Variants in CNTN4 observed in about 807,000 individuals in gnomAD.
The protein encoded by CNTN4 is contactin-4.
CNTN4 carries 77 observed loss-of-function variants against 122.5 expected under a neutral mutation model. The ratio of observed to expected loss-of-function variants is 0.63; its 90% CI spans 0.52 to 0.76. The LOEUF is 0.76. Ranked by LOEUF, CNTN4 falls within the 30% of genes least tolerant of loss-of-function variation. The pLI is 0.00. For synonymous variants in CNTN4, 512 were observed against 447.0 expected (o/e 1.15, Z -1.83); for missense variants, 1,256 against 1,259.1 (o/e 1.00, Z 0.04).
At chr3:2,893,689 A>G (rs2094072081) in intron 10 of CNTN4, among the ~76,000 whole-genome samples, 1 of 152,220 alleles carries the variant, frequency 6.6e-6, no homozygotes, top group Admixed American at 6.5e-5. Flanking sequence ...TATCAAGGAC[A>G]ATATATTGAA....
chr3:2,906,363 T>C (rs915137717), intron 12 of CNTN4, among the ~76,000 whole-genome samples: 3 of 152,170 alleles, frequency 2.0e-5, no homozygotes, highest in Non-Finnish European at 4.4e-5. Context: ...ATGATAATTA[T>C]ATAAGGTAAT....
chr3:2,841,884 G>T lies in CNTN4; in HGVS notation c.454+22303G>T, dbSNP rs913851059. Among the ~76,000 whole-genome samples the T allele has an allele frequency of 6.7e-6, 1 of 150,136 alleles. No homozygotes were observed. Among genetic ancestry groups the T allele is most frequent in the African/African-American group, 2.5e-5 (1 of 39,494 alleles). ...ATCTTTTATATCACAGTAAGAAGCTGATCAAAGGTGTTGAAAGCTGACTGT... is the reference window on the plus strand; with the variant it reads ...ATCTTTTATATCACAGTAAGAAGCTTATCAAAGGTGTTGAAAGCTGACTGT... On this transcript the variant is annotated intron_variant, in intron 7 of 24. Transcript: ENST00000418658. The surrounding 1 kb of genome is among the most constrained non-coding windows in gnomAD (Gnocchi z 4.8).
intron 14 of CNTN4, among the ~76,000 whole-genome samples, chr3:2,995,503 G>C (rs1021924851): frequency 6.6e-6 from 1 of 152,126 alleles, no homozygotes; most frequent in Non-Finnish European, 1.5e-5. Context: ...TTGGTCTAGA[G>C]GGAAGATGTA....
chr3:2,451,673 A>G (rs867747715), intron 3 of CNTN4, among the ~76,000 whole-genome samples: 5 of 152,130 alleles, frequency 3.3e-5, no homozygotes, highest in African/African-American at 9.7e-5. Context: ...TTCATGCAAC[A>G]TATTTTCTTT....
intron 6 of CNTN4, among the ~76,000 whole-genome samples, chr3:2,773,414 T>G (rs2091186057): frequency 6.6e-6 from 1 of 152,216 alleles, no homozygotes; most frequent in African/African-American, 2.4e-5. Flanking sequence ...AAGTTTTGTT[T>G]TACATTTTGC....
intron 2 of CNTN4, among the ~76,000 whole-genome samples, chr3:2,215,883 C>CAAAA (rs869205172): frequency 0.43 from 25,560 of 60,006 alleles, 6,070 homozygotes; most frequent in East Asian, 0.55. Flanking sequence ...GCCTCTGTCT[C>CAAAA]AAAAAAAAAA....
At chr3:2,987,916 G>T (rs1336907472) in intron 13 of CNTN4, among the ~76,000 whole-genome samples, 2 of 151,890 alleles carry the variant, frequency 1.3e-5, no homozygotes. Flanking sequence ...TTAATTTAAG[G>T]CTCTCATTTA....
intron 4 of CNTN4, among the ~76,000 whole-genome samples, chr3:2,717,083 A>T (rs1310441544): frequency 1.3e-5 from 2 of 152,112 alleles, no homozygotes; most frequent in African/African-American, 2.4e-5. Flanking sequence ...CACTTGTGTA[A>T]AAGTGTTTAT....
chr3:2,584,748 A>G (rs567439227), intron 4 of CNTN4, among the ~76,000 whole-genome samples: 1 of 151,264 alleles, frequency 6.6e-6, no homozygotes, highest in African/African-American at 2.4e-5. Flanking sequence ...ACAGGTCACA[A>G]TTTCCCTCAC....
intron 2 of CNTN4, among the ~76,000 whole-genome samples, chr3:2,100,843 C>A (rs1253953718): frequency 6.6e-6 from 1 of 152,136 alleles, no homozygotes; most frequent in South Asian, 2.1e-4. Context: ...AGAGATGATG[C>A]TGATAAACGT....
chr3:2,500,048 T>C (rs2148994238), intron 3 of CNTN4, among the ~76,000 whole-genome samples: 1 of 152,288 alleles, frequency 6.6e-6, no homozygotes, highest in South Asian at 2.1e-4. Flanking sequence ...TTTTAATGTA[T>C]ACAAATACAA....
chr3:2,488,450 G>A (rs2076225049), intron 3 of CNTN4, among the ~76,000 whole-genome samples: 1 of 152,048 alleles, frequency 6.6e-6, no homozygotes, highest in Non-Finnish European at 1.5e-5. Flanking sequence ...GTGAGTGAGT[G>A]TTGGGGGGTG....
Position 3,037,159 on chromosome 3 carries a change from C to A in CNTN4, c.1943-20C>A. 6.2e-7 allele frequency: 1 copy of A among 1,614,090 alleles called. No homozygotes were observed. The highest frequency in any genetic ancestry group is 8.5e-7 in the Non-Finnish European group (1 of 1,179,950). On this transcript the variant is annotated intron_variant, in intron 17 of 24. Coordinates refer to ENST00000418658, the MANE Select transcript of CNTN4 (RefSeq NM_175607.3). The stretch of plus-strand genomic sequence containing the variant: ...TTCTGAGAACCTATGAAACAGCCCC[C>A]ACCTTTTGTTGTCTTTCAGTCCCAG...
chr3:2,912,458 A>G (rs1183578988), intron 12 of CNTN4, among the ~76,000 whole-genome samples: 3 of 152,242 alleles, frequency 2.0e-5, no homozygotes, highest in Non-Finnish European at 4.4e-5. Context: ...AGTTGAAATG[A>G]AAGGATGATA....
chr3:3,008,667 A>C (rs1324813712), intron 14 of CNTN4, among the ~76,000 whole-genome samples: 4 of 152,208 alleles, frequency 2.6e-5, no homozygotes, highest in Non-Finnish European at 5.9e-5. Context: ...AGCATTAAAC[A>C]TGTAACCTGA....
At chr3:2,182,287 A>C (rs1366772395) in intron 2 of CNTN4, among the ~76,000 whole-genome samples, 2 of 151,820 alleles carry the variant, frequency 1.3e-5, no homozygotes, top group African/African-American at 4.8e-5. Flanking sequence ...ACATACACAC[A>C]CCCCACACAC....
rs11397937 is a variant in CNTN4, at chr3:2,149,967, CT to C, written c.-145+49342del. ...TCAACAGGGAATGGGGTGGGCATAGCTTTTTTTTTTTTTTCTGTATTATATC... is the reference window on the plus strand; with the variant it reads ...TCAACAGGGAATGGGGTGGGCATAGCTTTTTTTTTTTTTCTGTATTATATC... On this transcript the variant is annotated intron_variant, in intron 2 of 24. Transcript: ENST00000418658. Among the ~76,000 whole-genome samples, 659 of 143,070 alleles carry C rather than the reference CT, an allele frequency of 4.6e-3. 1 individual carries two copies. The highest frequency in any genetic ancestry group is 6.8e-3 in the Admixed American group (98 of 14,438). The allele number at this position is 143,070 out of a possible 152,430, so 93.9% of individuals were successfully genotyped here.
intron 2 of CNTN4, among the ~76,000 whole-genome samples, chr3:2,117,843 A>G (rs963314560): frequency 3.3e-5 from 5 of 149,474 alleles, no homozygotes; most frequent in African/African-American, 1.0e-4. Context: ...TGGATGATTT[A>G]TTTATTTAAC....
chr3:2,699,678 G>A (rs996433635), intron 4 of CNTN4, among the ~76,000 whole-genome samples: 7 of 152,130 alleles, frequency 4.6e-5, no homozygotes, highest in African/African-American at 1.7e-4. Context: ...TATTTACTGG[G>A]TTTGGACCAG....
Sources: allele counts gnomAD v4.1 joint callset (sites outside exome capture counted in the v4.1 genomes callset), GRCh38; gene constraint gnomAD v4.1.1; non-coding constraint Gnocchi (gnomAD v3.1); transcripts MANE v1.5; gene names NCBI Gene and HGNC (gene_info 2026-07-23, HGNC 2026-07-21).